The following DPP6 variants were observed in gnomAD, a reference collection of about 807,000 sequenced individuals.
The protein encoded by DPP6 is dipeptidyl peptidase like 6.
In DPP6, 69 loss-of-function variants were observed where a neutral mutation model predicts 122.6. That is an observed-to-expected ratio of 0.56 (90% confidence interval 0.46 to 0.69). The LOEUF is 0.69. DPP6 is among the 30% of genes least tolerant of loss of function. DPP6 has a pLI of 0.00. For missense variants in DPP6, 928 were observed against 1,116.9 expected (o/e 0.83, Z 2.41); for synonymous variants, 418 against 433.1 (o/e 0.97, Z 0.43).
In DPP6 at chr7:154,405,284, G is replaced by A. The variant is rs530924293; in HGVS notation, c.244-40930G>A. On this transcript the variant is annotated intron_variant, in intron 1 of 25. Transcript: ENST00000377770. ...TCCAGTGAAAAGGAAATGATACTAG[G>A]TGGAAATCCCTGTGGTTTGTTTTTG... 1.0e-3 allele frequency among the ~76,000 whole-genome samples: 157 copies of A among 152,276 alleles called. 2 individuals carry two copies. In the South Asian group the frequency reaches 0.015, roughly 15 times the overall value.
At chr7:154,713,274 C>G (rs1161450135) in intron 7 of DPP6, among the ~76,000 whole-genome samples, 1 of 152,222 alleles carries the variant, frequency 6.6e-6, no homozygotes, top group African/African-American at 2.4e-5. Context: ...TGTGGCCTTT[C>G]CAGGTACCTG....
intron 1 of DPP6, among the ~76,000 whole-genome samples, chr7:154,150,039 G>A (rs1796331615): frequency 6.6e-6 from 1 of 152,200 alleles, no homozygotes; most frequent in Non-Finnish European, 1.5e-5. Flanking sequence ...TCTTTCCCCA[G>A]CATCGCTTGA....
intron 1 of DPP6, among the ~76,000 whole-genome samples, chr7:154,262,516 G>A (rs1803095099): frequency 6.6e-6 from 1 of 152,128 alleles, no homozygotes; most frequent in Non-Finnish European, 1.5e-5. Context: ...ATCCAGCCCA[G>A]CCGGCTCCTT....
intron 1 of DPP6, among the ~76,000 whole-genome samples, chr7:154,371,415 AAGAAAGAC>A (rs1812664490): frequency 1.3e-5 from 2 of 151,228 alleles, no homozygotes; most frequent in African/African-American, 4.9e-5. Context: ...GAAAGAAAGA[AAGAAAGAC>A]AGAAAAAACA....
At chr7:154,866,439 G>A (rs1401924836) in intron 17 of DPP6, among the ~76,000 whole-genome samples, 1 of 152,198 alleles carries the variant, frequency 6.6e-6, no homozygotes, top group Non-Finnish European at 1.5e-5. Context: ...GGGGTGGAGT[G>A]CACCTCCCCT....
chr7:154,449,836 T>C (rs1820200479), intron 2 of DPP6, among the ~76,000 whole-genome samples: 2 of 150,984 alleles, frequency 1.3e-5, no homozygotes, highest in Non-Finnish European at 1.5e-5. Context: ...TGAAACCCCA[T>C]CTCTACTAAA....
chr7:153,777,057 G>A, the DPP6 span, among the ~76,000 whole-genome samples: 1 of 152,180 alleles, frequency 6.6e-6, no homozygotes, highest in Non-Finnish European at 1.5e-5. Flanking sequence ...GACCAACCCA[G>A]TCAACAATGA....
At chr7:154,021,596 G>C (rs890376710) in intron 1 of DPP6, among the ~76,000 whole-genome samples, 1 of 152,176 alleles carries the variant, frequency 6.6e-6, no homozygotes, top group African/African-American at 2.4e-5. Context: ...GTTATCCCCT[G>C]TGTATGTGGG....
At chr7:154,066,234 A>G (rs1471789652) in intron 1 of DPP6, among the ~76,000 whole-genome samples, 2 of 151,840 alleles carry the variant, frequency 1.3e-5, no homozygotes, top group Non-Finnish European at 2.9e-5. Flanking sequence ...TAATTTTTGT[A>G]TTCTTAGTAG....
chr7:153,900,946 AG>A (rs1465092854), intron 1 of DPP6, among the ~76,000 whole-genome samples: 1 of 152,178 alleles, frequency 6.6e-6, no homozygotes, highest in African/African-American at 2.4e-5. Flanking sequence ...GTCAAAGAGA[AG>A]TCTTTCATTT....
At chr7:153,987,277 T>C (rs187801263) in intron 1 of DPP6, among the ~76,000 whole-genome samples, 85 of 152,340 alleles carry the variant, frequency 5.6e-4, no homozygotes, top group African/African-American at 1.9e-3. Context: ...TATATACTGC[T>C]CCACTAAGAC....
At chr7:154,217,596 T>G (rs939490936) in intron 1 of DPP6, among the ~76,000 whole-genome samples, 6 of 152,208 alleles carry the variant, frequency 3.9e-5, no homozygotes, top group Admixed American at 2.0e-4. Context: ...AACAGACATA[T>G]TGTTGTAACA....
chr7:154,284,846 C>T (rs768035768), intron 1 of DPP6, among the ~76,000 whole-genome samples: 6 of 152,170 alleles, frequency 3.9e-5, no homozygotes, highest in Admixed American at 6.5e-5. Flanking sequence ...CAGAGCGAGA[C>T]TTCATCTCAA....
At chr7:153,969,447 C>T (rs1795920579) in intron 1 of DPP6, among the ~76,000 whole-genome samples, 1 of 146,966 alleles carries the variant, frequency 6.8e-6, no homozygotes, top group South Asian at 2.1e-4. Flanking sequence ...ACTTTCTTTG[C>T]TTTTAAGCTT....
At chr7:154,531,534 G>A (rs967697746) in intron 3 of DPP6, among the ~76,000 whole-genome samples, 5 of 152,064 alleles carry the variant, frequency 3.3e-5, no homozygotes, top group African/African-American at 1.2e-4. Flanking sequence ...GAAATCCTAA[G>A]GGAATTTCAT....
At chr7:153,771,860 CTT>C in the DPP6 span, among the ~76,000 whole-genome samples, 2 of 152,000 alleles carry the variant, frequency 1.3e-5, no homozygotes, top group Admixed American at 1.3e-4. Flanking sequence ...CAGAAAGAAA[CTT>C]ATATCTACAC....
chr7:154,411,739 G>A (rs890034589), intron 1 of DPP6, among the ~76,000 whole-genome samples: 2 of 152,092 alleles, frequency 1.3e-5, no homozygotes, highest in South Asian at 2.1e-4. Flanking sequence ...TTTATAGGCC[G>A]TTATTAATTT....
At chr7:154,878,669 G>T (rs991757855) in intron 20 of DPP6, among the ~76,000 whole-genome samples, 1 of 152,264 alleles carries the variant, frequency 6.6e-6, no homozygotes, top group East Asian at 1.9e-4. Context: ...AGCCTCCCAC[G>T]AGCAGCTGAG....
At chr7:154,735,116 T>C (rs564798751) in intron 8 of DPP6, among the ~76,000 whole-genome samples, 128 of 152,330 alleles carry the variant, frequency 8.4e-4, no homozygotes, top group Non-Finnish European at 9.7e-4. Flanking sequence ...ATATTATCTG[T>C]AGTATGTTCA....
Sources: gnomAD v4.1 joint callset for allele counts (sites outside exome capture counted in the v4.1 genomes callset) on GRCh38, gnomAD v4.1.1 for gene constraint, MANE v1.5 for transcripts, NCBI Gene and HGNC (gene_info 2026-07-23, HGNC 2026-07-21) for gene names.